The following CPN2 variants were observed in gnomAD, a reference collection of about 807,000 sequenced individuals.
The protein encoded by CPN2 is carboxypeptidase N subunit 2.
For missense variants in CPN2, 620 were observed against 671.4 expected, an observed-to-expected ratio of 0.92 and a Z score of 0.85; for synonymous variants, 336 against 318.4, an observed-to-expected ratio of 1.06 and a Z score of -0.59.
rs375387807 is a variant in CPN2, at chr3:194,341,143, A to G, written c.1560T>C (p.Ser520=). ...AGCTCGACCTCAGGTCCCACTCCTG[A>G]CTAGCATTGTACTGCAGTCCCAGGG... ...QGSLGLQYNA[S]QEWDLRSSCG... Residue 520 remains serine (S), a synonymous_variant, in exon 2 of 2, where the codon AGT becomes AGC. Coordinates refer to ENST00000323830, the MANE Select transcript of CPN2 (RefSeq NM_001080513.4). The G allele has an allele frequency of 3.1e-6, 5 of 1,613,254 alleles. No homozygotes were observed. The highest frequency in any genetic ancestry group is 4.2e-6 in the Non-Finnish European group (5 of 1,179,952).
chr3:194,342,351 A>G lies in CPN2; in HGVS notation c.352T>C (p.Ser118Pro), dbSNP rs766853742. 2 of 1,614,052 alleles carry G rather than the reference A, an allele frequency of 1.2e-6. No individual in the cohort carries two copies. The highest frequency in any genetic ancestry group is 1.7e-6 in the Non-Finnish European group (2 of 1,179,998). ...SFLNLSTNIF[S>P]NLTSLGKLTL... ...AGCTTGCCCAGCGAGGTCAGGTTGG[A>G]GAAGATGTTGGTGCTGAGGTTCAAG... The change falls in exon 2 of 2, where the codon TCC becomes CCC. Residue 118 changes from serine (S) to proline (P), a missense_variant. Physicochemically the swap from Ser to Pro is moderately conservative, Grantham distance 74 (BLOSUM62 -1). Coordinates refer to ENST00000323830, the MANE Select transcript of CPN2 (RefSeq NM_001080513.4).
chr3:194,347,829 C>T (rs1385516902), intron 1 of CPN2, among the ~76,000 whole-genome samples: 3 of 34,752 alleles, frequency 8.6e-5, no homozygotes, highest in African/African-American at 4.1e-4. Context: ...CATCCTCTGC[C>T]CAGTTCAGCC....
At chr3:194,345,236 C>G (rs889612315) in intron 1 of CPN2, among the ~76,000 whole-genome samples, 1 of 152,216 alleles carries the variant, frequency 6.6e-6, no homozygotes, top group Admixed American at 6.5e-5. Context: ...AGCCACCCCC[C>G]TGGGATGGGC....
chr3:194,349,778 CTTTTTTTTTTTTTTTTTTTTTTT>C lies in CPN2; in HGVS notation c.-4+1441_-4+1463del, dbSNP rs757478492. ...ATGAAGCCTTCCTGACTACCCTCTT[CTTTTTTTTTTTTTTTTTTTTTTT>C]TTTTTTTTTTTTTTTTTGAGACAGA... On this transcript the variant is annotated intron_variant, in intron 1 of 1. Coordinates refer to ENST00000323830, the MANE Select transcript of CPN2 (RefSeq NM_001080513.4). Among the ~76,000 whole-genome samples, 8 of 65,540 alleles carry C rather than the reference CTTTTTTTTTTTTTTTTTTTTTTT, an allele frequency of 1.2e-4. No homozygotes were observed. In the Admixed American group the frequency reaches 1.6e-3, roughly 13 times the overall value. The allele number at this position is 65,540 out of a possible 152,430, so 43.0% of individuals were successfully genotyped here.
intron 1 of CPN2, among the ~76,000 whole-genome samples, chr3:194,346,322 A>AC (rs1713045094): frequency 1.3e-5 from 2 of 152,238 alleles, no homozygotes; most frequent in Non-Finnish European, 2.9e-5. Context: ...CAGCCTCCAG[A>AC]CGGACATGTG....
chr3:194,345,391 A>C (rs1713008657), intron 1 of CPN2, among the ~76,000 whole-genome samples: 1 of 152,198 alleles, frequency 6.6e-6, no homozygotes, highest in South Asian at 2.1e-4. Flanking sequence ...CAGTGGCACG[A>C]TCATAGCTCA....
At chr3:194,349,231 T>G (rs879613233) in intron 1 of CPN2, among the ~76,000 whole-genome samples, 4 of 151,832 alleles carry the variant, frequency 2.6e-5, no homozygotes, top group African/African-American at 4.8e-5. Flanking sequence ...CGTGGTGGTG[T>G]GCGCCTGTAA....
intron 1 of CPN2, among the ~76,000 whole-genome samples, chr3:194,345,718 G>A (rs1480914778): frequency 6.6e-6 from 1 of 152,176 alleles, no homozygotes; most frequent in Non-Finnish European, 1.5e-5. Context: ...GTGGAGCCCA[G>A]ATCTCCTGGT....
chr3:194,342,285 G>T lies in CPN2; in HGVS notation c.418C>A (p.Leu140Ile). 1.2e-6 allele frequency: 2 copies of T among 1,613,880 alleles called. No individual in the cohort carries two copies. The highest frequency in any genetic ancestry group is 2.2e-5 in the South Asian group (2 of 91,070). The change falls in exon 2 of 2, where the codon CTT becomes ATT. Residue 140 changes from leucine (L) to isoleucine (I), a missense_variant. Physicochemically the swap from Leu to Ile is conservative, Grantham distance 5. Transcript: ENST00000323830. ...FNMLEALPEG[L>I]FQHLAALESL... is the part of the protein sequence containing the mutation. The stretch of plus-strand genomic sequence containing the variant: ...TCCAGGGCAGCCAGGTGCTGGAAAA[G>T]ACCCTCGGGCAGAGCCTCCAGCATG...
In CPN2 at chr3:194,342,912, T is replaced by C. The variant is rs539914322; in HGVS notation, c.-3-207A>G. 2.9e-4 allele frequency among the ~76,000 whole-genome samples: 44 copies of C among 152,238 alleles called. No homozygotes were observed. In the South Asian group the frequency reaches 8.9e-3, roughly 31 times the overall value. On this transcript the variant is annotated intron_variant, in intron 1 of 1. Coordinates refer to ENST00000323830, the MANE Select transcript of CPN2 (RefSeq NM_001080513.4). ...GAAGTGGAAAGGAGACAAAAAGGCA[T>C]GGAAGAGAGACACAAAAGGAGACCA...
intron 1 of CPN2, among the ~76,000 whole-genome samples, chr3:194,345,626 G>T (rs1292526675): frequency 1.3e-5 from 2 of 152,354 alleles, no homozygotes; most frequent in East Asian, 3.9e-4. Flanking sequence ...CAACGCTGGG[G>T]CCTGTGGGTC....
chr3:194,345,258 A>G (rs6800982), intron 1 of CPN2, among the ~76,000 whole-genome samples: 109,608 of 152,146 alleles, frequency 0.72, 40,203 homozygotes, highest in African/African-American at 0.86. Context: ...AACCCAGAAC[A>G]AATGACCCCC....
chr3:194,350,099 G>A (rs895402820), intron 1 of CPN2, among the ~76,000 whole-genome samples: 28 of 152,102 alleles, frequency 1.8e-4, no homozygotes, highest in Admixed American at 1.3e-3. Flanking sequence ...ACCGCGCTCG[G>A]CCCTTTCTTG....
Position 194,342,298 on chromosome 3 carries a change from A to G in CPN2, c.405T>C (p.Ala135=), listed in dbSNP as rs149986686. 3 of 1,613,892 alleles carry G rather than the reference A, an allele frequency of 1.9e-6. No homozygotes were observed. Among genetic ancestry groups the G allele is most frequent in the African/African-American group, 2.7e-5 (2 of 75,026 alleles). Residue 135 remains alanine, a synonymous_variant, in exon 2 of 2, where the codon GCT becomes GCC. Transcript: ENST00000323830. Reference sequence around the variant, plus strand: ...GGTGCTGGAAAAGACCCTCGGGCAGAGCCTCCAGCATGTTGAAGTTGAGGG... The same window carrying G: ...GGTGCTGGAAAAGACCCTCGGGCAGGGCCTCCAGCATGTTGAAGTTGAGGG... ...KLTLNFNMLE[A]LPEGLFQHLA... is the part of the protein sequence containing the mutation.
chr3:194,350,727 G>T (rs116614596), intron 1 of CPN2, among the ~76,000 whole-genome samples: 1,557 of 152,144 alleles, frequency 0.01, 28 homozygotes, highest in African/African-American at 0.035. Flanking sequence ...GCTGTGGCAT[G>T]CGCTTGTAAT....
intron 1 of CPN2, among the ~76,000 whole-genome samples, chr3:194,345,041 A>G (rs9868646): frequency 0.72 from 109,598 of 152,112 alleles, 40,200 homozygotes; most frequent in African/African-American, 0.86. Context: ...CCCTAGGAAG[A>G]AGGACCTGGA....
Position 194,341,563 on chromosome 3 carries a change from G to C in CPN2, c.1140C>G (p.Ile380Met). Residue 380 changes from isoleucine to methionine, a missense_variant, in exon 2 of 2, where the codon ATC becomes ATG. Physicochemically the swap from Ile to Met is conservative, Grantham distance 10. Coordinates refer to ENST00000323830, the MANE Select transcript of CPN2 (RefSeq NM_001080513.4). Reference sequence around the variant, plus strand: ...TGAACAGGTTGTAGTTGGTGTCGAAGATGCCCTCCGGAAGTGTGGTCAGCT... The same window carrying C: ...TGAACAGGTTGTAGTTGGTGTCGAACATGCCCTCCGGAAGTGTGGTCAGCT... ...KNQLTTLPEG[I>M]FDTNYNLFNL... 6.2e-7 allele frequency: 1 copy of C among 1,614,198 alleles called. No individual in the cohort carries two copies. Among genetic ancestry groups the C allele is most frequent in the Non-Finnish European group, 8.5e-7 (1 of 1,180,048 alleles).
intron 1 of CPN2, among the ~76,000 whole-genome samples, chr3:194,350,211 T>TG (rs1175213156): frequency 6.6e-6 from 1 of 152,198 alleles, no homozygotes; most frequent in Non-Finnish European, 1.5e-5. Context: ...ACTGCAGTCT[T>TG]GCTGTGGTGT....
chr3:194,340,007 AT>A lies in CPN2; in HGVS notation c.*1057del, dbSNP rs1416355294. The A allele has an allele frequency of 2.9e-4, 44 of 152,140 alleles. No homozygotes were observed. Among genetic ancestry groups the A allele is most frequent in the Admixed American group, 2.9e-3 (44 of 15,266 alleles). The allele number at this position is 152,140 out of a possible 1,614,324, so 9.4% of individuals were successfully genotyped here. A position where few individuals can be genotyped will look rare whatever the true frequency, so the allele number is the denominator to read the frequency against. ...TTCCAGGCTGTAGGTAAATTTAAAC[AT>A]TTTCTGGTTGACAATTGGTTGAGCT... On this transcript the variant is annotated 3_prime_UTR_variant, in exon 2 of 2. Transcript: ENST00000323830.
Sources: allele counts gnomAD v4.1 joint callset (sites outside exome capture counted in the v4.1 genomes callset), GRCh38; gene constraint gnomAD v4.1.1; transcripts MANE v1.5; gene names NCBI Gene and HGNC (gene_info 2026-07-23, HGNC 2026-07-21).